Variants in AXDND1 observed in about 807,000 individuals in gnomAD.
AXDND1 encodes the protein axonemal dynein light chain domain-containing protein 1.
Under a neutral mutation model 137.5 loss-of-function variants are expected in AXDND1, and 110 were observed. That is an observed-to-expected ratio of 0.80 (90% CI 0.69 to 0.94). The LOEUF (loss-of-function observed/expected upper bound fraction) is 0.94. AXDND1 is among the 40% of genes least tolerant of loss of function. The probability of loss-of-function intolerance (pLI) is 0.00; values close to 1 mark genes in which losing one functional copy is unlikely to be tolerated. For synonymous variants in AXDND1, 414 were observed against 399.7 expected, an observed-to-expected ratio of 1.04 and a Z score of -0.43; for missense variants, 1,191 against 1,169.8, an observed-to-expected ratio of 1.02 and a Z score of -0.26.
At chr1:179,447,317 A>G (rs987658540) in intron 16 of AXDND1, among the ~76,000 whole-genome samples, 2 of 152,226 alleles carry the variant, frequency 1.3e-5, no homozygotes, top group Non-Finnish European at 2.9e-5. Flanking sequence ...TGCAATATCT[A>G]TCTTTCCATG....
chr1:179,514,570 C>T (rs1275853354), intron 21 of AXDND1, among the ~76,000 whole-genome samples: 1 of 152,066 alleles, frequency 6.6e-6, no homozygotes, highest in Non-Finnish European at 1.5e-5. Context: ...TTGTATATAT[C>T]TGCTAAGTCC....
At chr1:179,404,678 G>A (rs1203083621) in intron 11 of AXDND1, among the ~76,000 whole-genome samples, 2 of 152,122 alleles carry the variant, frequency 1.3e-5, no homozygotes, top group Non-Finnish European at 2.9e-5. Flanking sequence ...TGGAATTTTT[G>A]CATCTAAGTT....
At chr1:179,411,295 C>G in intron 12 of AXDND1, 29 bp downstream of exon 12, 1 of 1,597,142 alleles carries the variant, frequency 6.3e-7, no homozygotes, top group Non-Finnish European at 8.5e-7. Flanking sequence ...ACAACTCACA[C>G]TTCTTTTTTG....
At chr1:179,419,842 GT>G (rs1655405663) in intron 12 of AXDND1, among the ~76,000 whole-genome samples, 1 of 152,108 alleles carries the variant, frequency 6.6e-6, no homozygotes, top group African/African-American at 2.4e-5. Flanking sequence ...GTTCTAACAG[GT>G]TTTTGGTGGA....
At chr1:179,519,378 C>T (rs1669848792) in intron 21 of AXDND1, among the ~76,000 whole-genome samples, 1 of 152,112 alleles carries the variant, frequency 6.6e-6, no homozygotes, top group Admixed American at 6.6e-5. Flanking sequence ...TCCAGAAGCT[C>T]TTTAGTTTAA....
chr1:179,412,633 C>A (rs779411079), intron 12 of AXDND1, among the ~76,000 whole-genome samples: 1 of 152,004 alleles, frequency 6.6e-6, no homozygotes, highest in Non-Finnish European at 1.5e-5. Context: ...AAATCTAGAT[C>A]ATTACTGGGG....
chr1:179,407,217 GT>G (rs1223429897), intron 11 of AXDND1, among the ~76,000 whole-genome samples: 3 of 150,978 alleles, frequency 2.0e-5, no homozygotes, highest in East Asian at 1.9e-4. Context: ...GGCTAGCAGG[GT>G]TTTTTTTCTT....
At chr1:179,495,498 A>G (rs983025627) in intron 20 of AXDND1, among the ~76,000 whole-genome samples, 1 of 152,130 alleles carries the variant, frequency 6.6e-6, no homozygotes, top group African/African-American at 2.4e-5. Context: ...TTGCTAATAT[A>G]TAGAATTACA....
At chr1:179,530,228 A>G (rs1398905223) in intron 23 of AXDND1, among the ~76,000 whole-genome samples, 1 of 152,084 alleles carries the variant, frequency 6.6e-6, no homozygotes. Flanking sequence ...ATGGGGTTTC[A>G]TTATGTTGGT....
chr1:179,516,826 C>T (rs1180104182), intron 21 of AXDND1, among the ~76,000 whole-genome samples: 3 of 152,284 alleles, frequency 2.0e-5, no homozygotes, highest in Non-Finnish European at 2.9e-5. Flanking sequence ...CTCCCTCAGT[C>T]GTGGATACCA....
chr1:179,414,755 C>T (rs1654440372), intron 12 of AXDND1, among the ~76,000 whole-genome samples: 1 of 152,080 alleles, frequency 6.6e-6, no homozygotes, highest in South Asian at 2.1e-4. Context: ...TATAATTCCA[C>T]TAAAAATCTC....
chr1:179,366,261 C>T (rs371443892), intron 1 of AXDND1, 143 bp from the exon 2 acceptor site: 2 of 307,440 alleles, frequency 6.5e-6, no homozygotes, highest in East Asian at 1.4e-4. Flanking sequence ...GCTTCTTAGT[C>T]GCTACACATA....
rs890774060 is a variant in AXDND1, at chr1:179,436,087, A to G, written c.1563+3745A>G. Among the ~76,000 whole-genome samples the G allele has an allele frequency of 2.0e-5, 3 of 152,128 alleles. No homozygotes were observed. The East Asian group carries it at 5.8e-4, about 29-fold the overall frequency. On this transcript the variant is annotated intron_variant, in intron 15 of 25. Coordinates refer to ENST00000367618, the MANE Select transcript of AXDND1 (RefSeq NM_144696.6). ...TTTATGTGGCCAACAAACATGAAGA[A>G]AAAAAAAGCTCAACATCACTGATAA...
chr1:179,550,160 G>GT (rs1479170118), intron 25 of AXDND1, among the ~76,000 whole-genome samples: 2 of 152,126 alleles, frequency 1.3e-5, no homozygotes, highest in South Asian at 2.1e-4. Flanking sequence ...TGTTAGTAAT[G>GT]TTTTATAATG....
chr1:179,407,987 T>G (rs1653244545), intron 11 of AXDND1, among the ~76,000 whole-genome samples: 1 of 152,220 alleles, frequency 6.6e-6, no homozygotes. Flanking sequence ...GACTAGGTTT[T>G]TTCAAAAGAC....
chr1:179,407,836 T>A (rs997149289), intron 11 of AXDND1, among the ~76,000 whole-genome samples: 2 of 152,134 alleles, frequency 1.3e-5, no homozygotes, highest in African/African-American at 2.4e-5. Flanking sequence ...ATTAAATAGG[T>A]TTTCTGTGTC....
intron 21 of AXDND1, among the ~76,000 whole-genome samples, chr1:179,524,329 T>C (rs1670342537): frequency 6.6e-6 from 1 of 152,182 alleles, no homozygotes; most frequent in South Asian, 2.1e-4. Context: ...CTCTGGCTAC[T>C]TCACAAGTTT....
At chr1:179,464,684 C>G (rs1662870328) in intron 16 of AXDND1, among the ~76,000 whole-genome samples, 1 of 152,144 alleles carries the variant, frequency 6.6e-6, no homozygotes. Flanking sequence ...TGGGGAAGTT[C>G]TCCTGGATAA....
At chr1:179,411,757 A>C (rs1653932775) in intron 12 of AXDND1, among the ~76,000 whole-genome samples, 1 of 152,068 alleles carries the variant, frequency 6.6e-6, no homozygotes, top group African/African-American at 2.4e-5. Context: ...TTTCAACTTT[A>C]ATTTATACTA....
Sources: gnomAD v4.1 joint callset for allele counts (sites outside exome capture counted in the v4.1 genomes callset) on GRCh38, gnomAD v4.1.1 for gene constraint, MANE v1.5 for transcripts, NCBI Gene and HGNC (gene_info 2026-07-23, HGNC 2026-07-21) for gene names.